Variants in STAT6 observed in about 807,000 individuals in gnomAD.
STAT6 encodes the protein signal transducer and activator of transcription 6, also known as STAT, interleukin4-induced.
A neutral mutation model predicts 106.3 loss-of-function variants in STAT6; 45 were observed. The observed-to-expected ratio is 0.42, with a 90% CI of 0.33 to 0.54. The LOEUF (loss-of-function observed/expected upper bound fraction) is 0.54, where lower values mean the gene tolerates loss of function less well. STAT6 is among the 20% of genes least tolerant of loss of function. The pLI is 0.06. For synonymous variants in STAT6, 413 were observed against 413.6 expected (o/e 1.00, Z 0.02); for missense variants, 797 against 1,062.2 (o/e 0.75, Z 3.47).
rs1948632023 is a variant in STAT6, at chr12:57,106,406, C to A, written c.532-67G>T. ...TCCACACCCAGCTCCTGGGATACGG[C>A]TCTTTTTCTCACTCCTCTGGCATTC... On this transcript the variant is annotated intron_variant, in intron 6 of 21. Coordinates refer to ENST00000300134, the MANE Select transcript of STAT6 (RefSeq NM_003153.5). 14 of 1,608,674 alleles carry A rather than the reference C, an allele frequency of 8.7e-6. No individual in the cohort carries two copies. The South Asian group carries it at 1.5e-4, about 18-fold the overall frequency.
At position 57,104,745 on chromosome 12, in the gene STAT6, G is replaced by C; in HGVS notation, c.1070C>G (p.Ser357Cys). 6.2e-7 allele frequency: 1 copy of C among 1,614,134 alleles called. No individual in the cohort carries two copies. Among genetic ancestry groups the C allele is most frequent in the Non-Finnish European group, 8.5e-7 (1 of 1,180,016 alleles). The change falls in exon 10 of 22, where the codon TCT becomes TGT. Residue 357 changes from serine to cysteine, a missense_variant. By Grantham distance (112) the Ser-to-Cys change is moderately radical. Around this residue, in one of 4 missense-constraint regions of STAT6, gnomAD observed 13 missense variants for 41.1 expected, o/e 0.32. Coordinates refer to ENST00000300134, the MANE Select transcript of STAT6 (RefSeq NM_003153.5). ...LENSIPGNCC[S>C]ALFKNLLLKK... ...CCTCACCAGGTTCTTGAACAGGGCA[G>C]AGCAGCAGTTCCCAGGAATGCTGTT...
intron 9 of STAT6, 141 bp from the exon 10 acceptor site, chr12:57,104,954 A>G: frequency 2.5e-6 from 3 of 1,209,044 alleles, no homozygotes. Flanking sequence ...AGGAGTCCCC[A>G]TCTTGGCCAA....
chr12:57,099,640 A>G lies in STAT6; in HGVS notation c.1744+127T>C. On this transcript the variant is annotated intron_variant, in intron 15 of 21. Coordinates refer to ENST00000300134, the MANE Select transcript of STAT6 (RefSeq NM_003153.5). This position sits in a 1 kb window ranked among gnomAD's most constrained non-coding sequence, Gnocchi z 4.7. Reference sequence around the variant, plus strand: ...GGTGAACATTTAGACCACAGAAGGAAGAAGAGAAGCTGGAAGAACTTCCTG... The same window carrying G: ...GGTGAACATTTAGACCACAGAAGGAGGAAGAGAAGCTGGAAGAACTTCCTG... 6.9e-7 allele frequency: 1 copy of G among 1,447,872 alleles called. No homozygotes were observed. Among genetic ancestry groups the G allele is most frequent in the Non-Finnish European group, 9.4e-7 (1 of 1,067,772 alleles). 89.7% of individuals were successfully genotyped at this position (1,447,872 alleles called of 1,614,324 possible).
rs1002459901 is a variant in STAT6, at chr12:57,097,218, C to T, written c.2160-85G>A. On this transcript the variant is annotated intron_variant, in intron 19 of 21. Transcript: ENST00000300134. ...AAGTCAGGACCACTGAGTGAGGAAA[C>T]AAGCTCCAGCTCCTTATCCTGACTT... 6.2e-6 allele frequency: 7 copies of T among 1,126,010 alleles called. No individual in the cohort carries two copies. The Admixed American group carries it at 2.1e-4, about 33-fold the overall frequency. The allele number at this position is 1,126,010 out of a possible 1,614,324, so 69.8% of individuals were successfully genotyped here. A position where few individuals can be genotyped will look rare whatever the true frequency, so the allele number is the denominator to read the frequency against.
intron 1 of STAT6, among the ~76,000 whole-genome samples, chr12:57,108,936 T>C (rs968521215): frequency 2.6e-5 from 4 of 152,136 alleles, no homozygotes; most frequent in Non-Finnish European, 5.9e-5. Context: ...CAGTGGCTCA[T>C]GCCTGTAATC....
chr12:57,096,930 G>A lies in STAT6; in HGVS notation c.2274C>T (p.Asp758=), dbSNP rs2033476279. The A allele has an allele frequency of 1.2e-6, 2 of 1,614,170 alleles. No individual in the cohort carries two copies. Among genetic ancestry groups the A allele is most frequent in the African/African-American group, 1.3e-5 (1 of 75,058 alleles). ...QPQEHAVSSP[D]PLLCSDVTMV... ...TGGTCACATCTGAGCAGAGCAGGGG[G>A]TCAGGGCTGGACACAGCATGCTCCT... Residue 758 remains aspartate (D), a synonymous_variant, in exon 21 of 22, where the codon GAC becomes GAT. Transcript: ENST00000300134.
chr12:57,100,700 GAGAAAGAAAGAAAGAAAGAA>G (rs56962899), intron 13 of STAT6: 2,585 of 64,370 alleles, frequency 0.04, 123 homozygotes, highest in South Asian at 0.06. Context: ...AAGAAAGAAA[GAGAAAGAAAGAAAGAAAGAA>G]AGAAAGAAAG....
At chr12:57,102,583 G>T in intron 12 of STAT6, 87 bp from the exon 13 acceptor site, 1 of 1,394,484 alleles carries the variant, frequency 7.2e-7, no homozygotes, top group Non-Finnish European at 9.9e-7. Context: ...CCTGCCTGTG[G>T]CCTACCCCTC....
intron 11 of STAT6, 22 bp from the exon 12 acceptor site, chr12:57,102,943 GTTTCTTTTCTTTCTTTCTTTCCTTT>G: frequency 8.2e-7 from 1 of 1,216,272 alleles, no homozygotes; most frequent in African/African-American, 1.7e-5. Flanking sequence ...GAGGACAGGG[GTTTCTTTTCTTTCTTTCTTTCCTTT>G]TTTTTTTTTT....
Position 57,098,864 on chromosome 12 carries a change from G to A in STAT6, c.1994C>T (p.Thr665Ile), listed in dbSNP as rs368837773. Residue 665 changes from threonine (T) to isoleucine (I), a missense_variant, in exon 18 of 22, where the codon ACC becomes ATC. Physicochemically the swap from Thr to Ile is moderately conservative, Grantham distance 89. Around this residue, in one of 4 missense-constraint regions of STAT6, gnomAD observed 226 missense variants for 236.7 expected, o/e 0.95. Coordinates refer to ENST00000300134, the MANE Select transcript of STAT6 (RefSeq NM_003153.5). ...TCCAAGGTCATAAGAAGGCACCATG[G>A]TAGGCATCTGGAGCTCTGGGGTAGG... is the stretch of plus-strand genomic sequence containing the variant. ...PLPTPELQMP[T>I]MVPSYDLGMA... is the part of the protein sequence containing the mutation. The A allele has an allele frequency of 6.2e-7, 1 of 1,613,558 alleles. No individual in the cohort carries two copies. The highest frequency in any genetic ancestry group is 8.5e-7 in the Non-Finnish European group (1 of 1,179,836).
intron 13 of STAT6, among the ~76,000 whole-genome samples, chr12:57,101,509 C>T (rs557608711): frequency 3.3e-5 from 5 of 151,008 alleles, no homozygotes; most frequent in East Asian, 2.0e-4. Flanking sequence ...GGATTACAGA[C>T]GCAAACGACC....
In STAT6 at chr12:57,096,292, C is replaced by T. The variant is rs1187144271; in HGVS notation, c.*280G>A. 18 of 434,466 alleles carry T rather than the reference C, an allele frequency of 4.1e-5. 1 individual carries two copies. The highest frequency in any genetic ancestry group is 6.6e-5 in the Non-Finnish European group (16 of 242,790). The allele number at this position is 434,466 out of a possible 1,614,324, so 26.9% of individuals were successfully genotyped here. ...GTATGTGTGTGTGCGTGCGTGTGCG[C>T]GCTGCAGGTGCAGGCATGTTGGGGT... On this transcript the variant is annotated 3_prime_UTR_variant, in exon 22 of 22. Transcript: ENST00000300134.
At position 57,105,026 on chromosome 12, in the gene STAT6, C is replaced by T. The variant is rs186500952; in HGVS notation, c.1001+125G>A. On this transcript the variant is annotated intron_variant, in intron 9 of 21. Transcript: ENST00000300134. ...GTCCCTCCCTTTCCTCTGCCTTGACCATTCAGGGTCTCCACATCCCATGGC... is the reference window on the plus strand; with the variant it reads ...GTCCCTCCCTTTCCTCTGCCTTGACTATTCAGGGTCTCCACATCCCATGGC... 1.2e-4 allele frequency: 154 copies of T among 1,310,638 alleles called. No homozygotes were observed. In the African/African-American group the frequency reaches 1.9e-3, roughly 16 times the overall value. The allele number at this position is 1,310,638 out of a possible 1,614,324, so 81.2% of individuals were successfully genotyped here.
intron 1 of STAT6, among the ~76,000 whole-genome samples, chr12:57,108,563 C>T (rs1456778527): frequency 6.6e-6 from 1 of 152,220 alleles, no homozygotes; most frequent in African/African-American, 2.4e-5. Flanking sequence ...AGAGCGAGAG[C>T]TCTCTTAGAG....
chr12:57,107,944 C>A (rs1034863123), intron 2 of STAT6, among the ~76,000 whole-genome samples: 5 of 152,240 alleles, frequency 3.3e-5, no homozygotes, highest in African/African-American at 1.2e-4. Context: ...CCAAACCCCC[C>A]TCCTCTTCGG....
At chr12:57,100,714 GAA>G (rs370189651) in intron 13 of STAT6, 34 of 60,676 alleles carry the variant, frequency 5.6e-4, no homozygotes, top group African/African-American at 9.4e-4. Flanking sequence ...AAGAAAGAAA[GAA>G]AGAAAGAAAG....
In STAT6 at chr12:57,107,224, A is replaced by G; in HGVS notation, c.339+7T>C. The G allele has an allele frequency of 1.2e-6, 2 of 1,613,864 alleles. No individual in the cohort carries two copies. The highest frequency in any genetic ancestry group is 1.7e-6 in the Non-Finnish European group (2 of 1,179,736). ...GAGTTGGGGTGGGAGGTGGAATATCACAATACCTGTTCCATAACAGCTTTT... is the reference window on the plus strand; with the variant it reads ...GAGTTGGGGTGGGAGGTGGAATATCGCAATACCTGTTCCATAACAGCTTTT... On this transcript the variant is annotated splice_region_variant and intron_variant, in intron 4 of 21. Coordinates refer to ENST00000300134, the MANE Select transcript of STAT6 (RefSeq NM_003153.5).
chr12:57,102,040 A>G (rs569463917), intron 13 of STAT6, among the ~76,000 whole-genome samples: 2 of 152,292 alleles, frequency 1.3e-5, no homozygotes, highest in African/African-American at 4.8e-5. Context: ...GAGTCATGCA[A>G]GTCACTGGTA....
chr12:57,108,370 G>T, intron 1 of STAT6, 71 bp from the exon 2 acceptor site: 2 of 799,554 alleles, frequency 2.5e-6, no homozygotes, highest in Admixed American at 4.0e-5. Context: ...GGCAGCCAGG[G>T]ACCTCCCATA....
Sources: allele counts gnomAD v4.1 joint callset (sites outside exome capture counted in the v4.1 genomes callset), GRCh38; gene constraint gnomAD v4.1.1; regional missense constraint gnomAD v4.1.1; non-coding constraint Gnocchi (gnomAD v3.1); transcripts MANE v1.5; gene names NCBI Gene and HGNC (gene_info 2026-07-23, HGNC 2026-07-21).